Variants in UBE2J1 observed in about 807,000 individuals in gnomAD.
The protein encoded by UBE2J1 is ubiquitin conjugating enzyme E2 J1.
A neutral mutation model predicts 42.1 loss-of-function variants in UBE2J1; 17 were observed. The ratio of observed to expected loss-of-function variants is 0.40; its 90% CI spans 0.28 to 0.61. The LOEUF (loss-of-function observed/expected upper bound fraction) is 0.61, where lower values mean the gene tolerates loss of function less well. Among genes scored for constraint, UBE2J1 ranks in the 20% least tolerant of loss-of-function variants. The probability of loss-of-function intolerance (pLI) is 0.38; values close to 1 mark genes in which losing one functional copy is unlikely to be tolerated. For synonymous variants in UBE2J1, 127 were observed against 137.2 expected (o/e 0.93, Z 0.52); for missense variants, 291 against 389.4 (o/e 0.75, Z 2.13).
intron 7 of UBE2J1, among the ~76,000 whole-genome samples, chr6:89,332,141 A>G (rs1289816822): frequency 6.6e-6 from 1 of 152,174 alleles, no homozygotes; most frequent in Non-Finnish European, 1.5e-5. Flanking sequence ...GGGCAAATCT[A>G]TATTTGCCCA....
chr6:89,339,894 T>C lies in UBE2J1; in HGVS notation c.238-1351A>G, dbSNP rs73506043. Among the ~76,000 whole-genome samples the C allele has an allele frequency of 5.8e-3, 880 of 152,010 alleles. 9 individuals carry two copies. The highest frequency in any genetic ancestry group is 0.02 in the African/African-American group (823 of 41,438). ...TAGCCAAGCGTGGTATGTGTGACTA[T>C]AGTCTCAGCTACTCAGGAGGCTGAC... On this transcript the variant is annotated intron_variant, in intron 3 of 7. Transcript: ENST00000435041.
intron 6 of UBE2J1, among the ~76,000 whole-genome samples, chr6:89,334,505 CTT>C (rs1304184283): frequency 7.1e-6 from 1 of 141,414 alleles, no homozygotes; most frequent in East Asian, 2.1e-4. Context: ...GAGTTTCGCT[CTT>C]GTTGCCCAGG....
At chr6:89,337,961 T>A (rs1414076806) in intron 5 of UBE2J1, among the ~76,000 whole-genome samples, 1 of 152,226 alleles carries the variant, frequency 6.6e-6, no homozygotes, top group Non-Finnish European at 1.5e-5. Context: ...CTGAATTTTT[T>A]AAAAATAGTG....
At chr6:89,345,067 T>C (rs1330139593) in intron 1 of UBE2J1, among the ~76,000 whole-genome samples, 6 of 152,120 alleles carry the variant, frequency 3.9e-5, no homozygotes, top group African/African-American at 7.2e-5. Flanking sequence ...CACCAGATGC[T>C]GGGAGGACAG....
chr6:89,336,685 T>G (rs12189673), intron 5 of UBE2J1, among the ~76,000 whole-genome samples: 1 of 151,766 alleles, frequency 6.6e-6, no homozygotes, highest in Non-Finnish European at 1.5e-5. Context: ...GTGGCACTGT[T>G]GACCACACAC....
intron 1 of UBE2J1, among the ~76,000 whole-genome samples, chr6:89,344,068 A>C (rs972052919): frequency 1.3e-5 from 2 of 152,018 alleles, no homozygotes; most frequent in African/African-American, 4.8e-5. Context: ...AACTCATTTA[A>C]CCCTTAATAC....
At chr6:89,340,937 G>A (rs976915857) in intron 3 of UBE2J1, among the ~76,000 whole-genome samples, 7 of 151,528 alleles carry the variant, frequency 4.6e-5, no homozygotes, top group South Asian at 2.1e-4. Context: ...CACCGCGCCC[G>A]GCTAATTTTT....
chr6:89,335,137 C>T (rs1768083939), intron 6 of UBE2J1, among the ~76,000 whole-genome samples, 165 bp downstream of exon 6: 2 of 152,092 alleles, frequency 1.3e-5, no homozygotes, highest in South Asian at 2.1e-4. Context: ...TACATATATA[C>T]ACCTACTATG....
chr6:89,348,264 CT>C (rs1768399290), intron 1 of UBE2J1, among the ~76,000 whole-genome samples: 1 of 152,162 alleles, frequency 6.6e-6, no homozygotes, highest in South Asian at 2.1e-4. Context: ...GTTCTTCTTT[CT>C]TATAGAGGCC....
intron 1 of UBE2J1, among the ~76,000 whole-genome samples, 198 bp from the exon 2 acceptor site, chr6:89,343,954 GTT>G (rs936328579): frequency 2.0e-5 from 3 of 151,992 alleles, no homozygotes; most frequent in African/African-American, 7.3e-5. Flanking sequence ...CTTTAAAAGA[GTT>G]ATATATTAAA....
intron 7 of UBE2J1, 44 bp from the exon 8 acceptor site, chr6:89,330,001 T>C (rs2127859345): frequency 1.3e-6 from 2 of 1,575,580 alleles, no homozygotes; most frequent in South Asian, 1.1e-5. Flanking sequence ...GCAAAGAAGA[T>C]TTGTAAATAC....
intron 3 of UBE2J1, among the ~76,000 whole-genome samples, chr6:89,341,746 C>T (rs1410173097): frequency 6.6e-6 from 1 of 151,876 alleles, no homozygotes; most frequent in African/African-American, 2.4e-5. Flanking sequence ...AAAAGTTTTC[C>T]TTCACATGAA....
intron 7 of UBE2J1, 50 bp downstream of exon 7, chr6:89,333,036 C>G (rs751338101): frequency 6.8e-7 from 1 of 1,460,192 alleles, no homozygotes; most frequent in African/African-American, 1.4e-5. Flanking sequence ...CTATTGCAAA[C>G]AGTGATAATG....
chr6:89,346,304 G>A (rs575828307), intron 1 of UBE2J1, among the ~76,000 whole-genome samples: 1 of 152,220 alleles, frequency 6.6e-6, no homozygotes, highest in Admixed American at 6.5e-5. Context: ...GTTCCTACTA[G>A]GTACTAGATG....
intron 7 of UBE2J1, among the ~76,000 whole-genome samples, chr6:89,331,730 A>C (rs1768011828): frequency 6.6e-6 from 1 of 152,240 alleles, no homozygotes; most frequent in Non-Finnish European, 1.5e-5. Context: ...TAGATTGAAA[A>C]TACACAAAAG....
chr6:89,329,817 C>T lies in UBE2J1; in HGVS notation c.819G>A (p.Gln273=). The change falls in exon 8 of 8, where the codon CAG becomes CAA. Residue 273 remains glutamine, a synonymous_variant. Coordinates refer to ENST00000435041, the MANE Select transcript of UBE2J1 (RefSeq NM_016021.3). The part of the protein sequence containing the change: ...RRLSTSPDVI[Q]GHQPRDNHTD... ...TGTGGTTGTCTCTTGGCTGGTGGCC[C>T]TGGATTACATCTGGTGAAGTAGACA... The T allele has an allele frequency of 6.2e-7, 1 of 1,614,078 alleles. No individual in the cohort carries two copies. Among genetic ancestry groups the T allele is most frequent in the Non-Finnish European group, 8.5e-7 (1 of 1,180,004 alleles).
intron 3 of UBE2J1, among the ~76,000 whole-genome samples, chr6:89,340,338 G>C (rs1768221018): frequency 6.6e-6 from 1 of 152,124 alleles, no homozygotes; most frequent in East Asian, 1.9e-4. Context: ...TTGGTAAAGA[G>C]CTGCTGCTAA....
chr6:89,338,460 A>G lies in UBE2J1; in HGVS notation c.321T>C (p.Ser107=). 1 of 1,609,740 alleles carries G rather than the reference A, an allele frequency of 6.2e-7. No individual in the cohort carries two copies. The highest frequency in any genetic ancestry group is 8.5e-7 in the Non-Finnish European group (1 of 1,178,072). ...HHPETWQPSW[S]IRTALLAIIG... is the part of the protein sequence containing the mutation. ...TATTCACTATAAATTAACACTTACT[A>G]CTCCACGAAGGCTGCCAAGTTTCAG... Residue 107 remains serine, a splice_region_variant and synonymous_variant, in exon 4 of 8, where the codon AGT becomes AGC. Coordinates refer to ENST00000435041, the MANE Select transcript of UBE2J1 (RefSeq NM_016021.3).
chr6:89,337,731 A>G, intron 5 of UBE2J1, among the ~76,000 whole-genome samples: 1 of 152,170 alleles, frequency 6.6e-6, no homozygotes, highest in East Asian at 1.9e-4. Flanking sequence ...CCACTGGGCA[A>G]TCACAACTTG....
Sources: gnomAD v4.1 joint callset for allele counts (sites outside exome capture counted in the v4.1 genomes callset) on GRCh38, gnomAD v4.1.1 for gene constraint, MANE v1.5 for transcripts, NCBI Gene and HGNC (gene_info 2026-07-23, HGNC 2026-07-21) for gene names.